The following ABCB1 variants were observed in gnomAD, a reference collection of about 807,000 sequenced individuals.
ABCB1 encodes the protein ATP binding cassette subfamily B member 1, also known as ATP-dependent translocase ABCB1.
In ABCB1, 69 loss-of-function variants were observed where a neutral mutation model predicts 142.0. That is an observed-to-expected ratio of 0.49 (90% CI 0.40 to 0.59). The LOEUF (loss-of-function observed/expected upper bound fraction) is 0.59, where lower values mean the gene tolerates loss of function less well. Ranked by LOEUF, ABCB1 falls within the 20% of genes least tolerant of loss-of-function variation. The pLI is 0.00. For synonymous variants in ABCB1, 532 were observed against 539.2 expected (o/e 0.99, Z 0.18); for missense variants, 1,326 against 1,554.7 (o/e 0.85, Z 2.47).
In ABCB1 at chr7:87,550,254, C is replaced by T; in HGVS notation, c.1267G>A (p.Val423Met). Residue 423 changes from valine to methionine, a missense_variant, in exon 12 of 28, where the codon GTG becomes ATG. Coordinates refer to ENST00000622132, the MANE Select transcript of ABCB1 (RefSeq NM_001348946.2). The stretch of plus-strand genomic sequence containing the variant: ...CAGCCACTGTTTCCAACCAGGGCCA[C>T]CGTCTGCCCACTCTGCACCTTCAGG... ...LNLKVQSGQT[V>M]ALVGNSGCGK... 1 of 1,614,198 alleles carries T rather than the reference C, an allele frequency of 6.2e-7. No homozygotes were observed. Among genetic ancestry groups the T allele is most frequent in the Non-Finnish European group, 8.5e-7 (1 of 1,180,038 alleles).
chr7:87,602,363 A>G (rs1819496483), upstream of ABCB1, among the ~76,000 whole-genome samples: 1 of 135,502 alleles, frequency 7.4e-6, no homozygotes, highest in Non-Finnish European at 1.5e-5. Flanking sequence ...TTTTTTCCAC[A>G]TGTTCTAATT....
At chr7:87,557,281 C>G (rs2129754027) in intron 8 of ABCB1, among the ~76,000 whole-genome samples, 1 of 152,142 alleles carries the variant, frequency 6.6e-6, no homozygotes, top group East Asian at 1.9e-4. Flanking sequence ...AACCTAGAGC[C>G]CTAGCTTTGT....
intron 1 of ABCB1, among the ~76,000 whole-genome samples, chr7:87,692,837 T>G (rs894029382): frequency 6.6e-6 from 1 of 152,252 alleles, no homozygotes; most frequent in African/African-American, 2.4e-5. Context: ...AATATGAGCT[T>G]TAACTGTCGT....
chr7:87,645,832 G>C (rs58448193), intron 1 of ABCB1, among the ~76,000 whole-genome samples: 4,724 of 152,074 alleles, frequency 0.031, 73 homozygotes, highest in Middle Eastern at 0.048. Flanking sequence ...GGGAAGAATC[G>C]GTTAGCTGAA....
intron 1 of ABCB1, among the ~76,000 whole-genome samples, chr7:87,673,277 G>C (rs1826010284): frequency 6.6e-6 from 1 of 152,138 alleles, no homozygotes; most frequent in South Asian, 2.1e-4. Flanking sequence ...TAGAGAGGTT[G>C]GGGACATTTT....
intron 2 of ABCB1, 45 bp from the exon 3 acceptor site, chr7:87,595,859 A>T (rs563602982): frequency 1.4e-6 from 2 of 1,453,176 alleles, no homozygotes; most frequent in African/African-American, 1.4e-5. Context: ...AAAAGTACAT[A>T]TTTTTTAAAT....
At chr7:87,600,053 G>A in intron 2 of ABCB1, 64 bp downstream of exon 2, 3 of 1,399,822 alleles carry the variant, frequency 2.1e-6, no homozygotes, top group Non-Finnish European at 3.0e-6. Context: ...AGAGCTGGAG[G>A]CTAGAAATAA....
rs565192798 is a variant in ABCB1, at chr7:87,514,282, A to T, written c.3282+949T>A. ...TGTCCATGCTGTTCCCATTGTTAAG[A>T]ATTTTAAATATCACTTCTCAGTACA... is the stretch of plus-strand genomic sequence containing the variant. On this transcript the variant is annotated intron_variant, in intron 25 of 27. Transcript: ENST00000622132. 2.6e-5 allele frequency among the ~76,000 whole-genome samples: 4 copies of T among 152,298 alleles called. No homozygotes were observed. In the East Asian group the frequency reaches 7.7e-4, roughly 29 times the overall value.
chr7:87,516,049 C>A (rs1296874814), intron 24 of ABCB1, among the ~76,000 whole-genome samples: 2 of 152,114 alleles, frequency 1.3e-5, no homozygotes, highest in Non-Finnish European at 2.9e-5. Context: ...ATCTGATAAC[C>A]AGCCTGGGCA....
chr7:87,544,047 C>T, intron 17 of ABCB1, 82 bp downstream of exon 17: 1 of 1,540,196 alleles, frequency 6.5e-7, no homozygotes, highest in Non-Finnish European at 9.0e-7. Flanking sequence ...TTTTTGTATC[C>T]CAGTTCAGAC....
Position 87,519,373 on chromosome 7 carries a change from T to C in ABCB1, c.2880A>G (p.Gly960=). The change falls in exon 23 of 28, where the codon GGA becomes GGG. Residue 960 remains glycine (G), a synonymous_variant. Coordinates refer to ENST00000622132, the MANE Select transcript of ABCB1 (RefSeq NM_001348946.2). ...YFSYAGCFRF[G]AYLVAHKLMS... ...TGAGTTTATGTGCCACCAAGTAGGC[T>C]CCAAACCGGAAACATCCAGCATAGG... 6.2e-7 allele frequency: 1 copy of C among 1,614,118 alleles called. No individual in the cohort carries two copies. Among genetic ancestry groups the C allele is most frequent in the Non-Finnish European group, 8.5e-7 (1 of 1,179,980 alleles).
intron 1 of ABCB1, among the ~76,000 whole-genome samples, chr7:87,702,142 CAAAAAAAAAAAA>C (rs146127516): frequency 0.022 from 376 of 16,766 alleles, 1 homozygote; most frequent in African/African-American, 0.063. Context: ...GACTCTGTCT[CAAAAAAAAAAAA>C]AAAAAAAAAA....
intron 2 of ABCB1, among the ~76,000 whole-genome samples, chr7:87,596,286 C>T (rs1169184035): frequency 6.6e-6 from 1 of 151,990 alleles, no homozygotes; most frequent in African/African-American, 2.4e-5. Flanking sequence ...CCTTCCCTTT[C>T]TAGTGAAGAG....
intron 4 of ABCB1, among the ~76,000 whole-genome samples, chr7:87,584,680 C>T (rs1818657954): frequency 6.6e-6 from 1 of 152,148 alleles, no homozygotes; most frequent in South Asian, 2.1e-4. Context: ...TCTCCTGCTT[C>T]CTACTTCACT....
chr7:87,691,589 T>C (rs1370855582), intron 1 of ABCB1, among the ~76,000 whole-genome samples: 1 of 152,222 alleles, frequency 6.6e-6, no homozygotes. Flanking sequence ...AAACAAGCCC[T>C]GGGCCACTTT....
chr7:87,597,690 T>A (rs1310356456), intron 2 of ABCB1, among the ~76,000 whole-genome samples: 1 of 152,168 alleles, frequency 6.6e-6, no homozygotes, highest in Non-Finnish European at 1.5e-5. Flanking sequence ...TACCCTCCAC[T>A]CTATGGAGTC....
chr7:87,525,805 T>C (rs555859291), intron 21 of ABCB1, among the ~76,000 whole-genome samples: 2 of 152,208 alleles, frequency 1.3e-5, no homozygotes, highest in African/African-American at 4.8e-5. Context: ...GCACACCTGG[T>C]GTGACTGACA....
intron 3 of ABCB1, among the ~76,000 whole-genome samples, chr7:87,591,716 A>G (rs1290259523): frequency 6.6e-6 from 1 of 152,176 alleles, no homozygotes; most frequent in Admixed American, 6.5e-5. Context: ...GGGTGGGGGT[A>G]TACTTCGAGG....
chr7:87,679,085 A>G (rs903759402), intron 1 of ABCB1, among the ~76,000 whole-genome samples: 7 of 109,056 alleles, frequency 6.4e-5, no homozygotes, highest in African/African-American at 2.2e-4. Context: ...AAAACACCCC[A>G]ACTTTTTTTT....
Sources: allele counts gnomAD v4.1 joint callset (sites outside exome capture counted in the v4.1 genomes callset), GRCh38; gene constraint gnomAD v4.1.1; transcripts MANE v1.5; gene names NCBI Gene and HGNC (gene_info 2026-07-23, HGNC 2026-07-21).